WWOX: variants seen among roughly 807,000 people sequenced by gnomAD.
WWOX encodes WW domain-containing oxidoreductase.
In WWOX, 69 loss-of-function variants were observed where a neutral mutation model predicts 46.2. That is an observed-to-expected ratio of 1.49 (90% CI 1.23 to 1.82). The LOEUF is 1.82. Ranked by LOEUF, WWOX falls within the 40% of genes most tolerant of loss-of-function variation. The probability of loss-of-function intolerance (pLI) is 0.00; values close to 1 mark genes in which losing one functional copy is unlikely to be tolerated. For synonymous variants in WWOX, 359 were observed against 202.6 expected, an observed-to-expected ratio of 1.77 and a Z score of -6.56; for missense variants, 919 against 542.6, an observed-to-expected ratio of 1.69 and a Z score of -6.89.
At chr16:78,542,240 G>A (rs1163190000) in intron 8 of WWOX, among the ~76,000 whole-genome samples, 1 of 152,130 alleles carries the variant, frequency 6.6e-6, no homozygotes. Flanking sequence ...ATGAACCTAC[G>A]TAATGATCTC....
chr16:78,577,127 G>T (rs925908244), intron 8 of WWOX, among the ~76,000 whole-genome samples: 2 of 152,140 alleles, frequency 1.3e-5, no homozygotes, highest in Non-Finnish European at 2.9e-5. Flanking sequence ...TTAGTCACCA[G>T]TGTCTCATAG....
At chr16:78,894,377 A>AT (rs1567632078) in intron 8 of WWOX, among the ~76,000 whole-genome samples, 1 of 152,178 alleles carries the variant, frequency 6.6e-6, no homozygotes, top group Non-Finnish European at 1.5e-5. Flanking sequence ...CAAGTATAAT[A>AT]TTGAACTTCA....
At chr16:78,724,604 C>T (rs943459226) in intron 8 of WWOX, among the ~76,000 whole-genome samples, 5 of 152,134 alleles carry the variant, frequency 3.3e-5, no homozygotes, top group African/African-American at 1.2e-4. Context: ...TATGTGTAGT[C>T]CCCTAGTGAA....
intron 8 of WWOX, among the ~76,000 whole-genome samples, chr16:78,752,213 G>C (rs941092376): frequency 6.6e-6 from 1 of 152,194 alleles, no homozygotes. Context: ...TGAGTGACTT[G>C]AAATATTGGT....
chr16:79,073,904 C>G (rs374862528), intron 8 of WWOX, among the ~76,000 whole-genome samples: 1 of 152,032 alleles, frequency 6.6e-6, no homozygotes, highest in East Asian at 1.9e-4. Flanking sequence ...TTTTGTATGT[C>G]CTTTTTAATT....
intron 8 of WWOX, among the ~76,000 whole-genome samples, chr16:78,663,978 G>T (rs970550620): frequency 5.3e-5 from 8 of 152,192 alleles, no homozygotes; most frequent in Non-Finnish European, 8.8e-5. Flanking sequence ...ATGACGTCTG[G>T]ATTTTCCTTG....
At chr16:79,189,793 G>A (rs996717246) in intron 8 of WWOX, among the ~76,000 whole-genome samples, 2 of 151,638 alleles carry the variant, frequency 1.3e-5, no homozygotes, top group Non-Finnish European at 2.9e-5. Context: ...ACCTGCTCCC[G>A]GTGGGAGGGG....
intron 8 of WWOX, among the ~76,000 whole-genome samples, chr16:78,946,736 G>T (rs1465846170): frequency 1.3e-5 from 2 of 151,834 alleles, no homozygotes; most frequent in Non-Finnish European, 2.9e-5. Context: ...AGTCATGCGG[G>T]CCATATGGAT....
chr16:79,115,054 C>G (rs1003558752), intron 8 of WWOX, among the ~76,000 whole-genome samples: 30 of 152,208 alleles, frequency 2.0e-4, no homozygotes, highest in African/African-American at 5.8e-4. Flanking sequence ...CTCTGATGAC[C>G]TCTTGTGCCT....
intron 8 of WWOX, among the ~76,000 whole-genome samples, chr16:78,841,092 C>A (rs895861656): frequency 5.3e-5 from 8 of 152,108 alleles, no homozygotes; most frequent in Non-Finnish European, 1.0e-4. Context: ...CCCAGACATT[C>A]ATTTCGGTAA....
At chr16:78,928,327 C>T (rs1023494158) in intron 8 of WWOX, among the ~76,000 whole-genome samples, 1 of 151,354 alleles carries the variant, frequency 6.6e-6, no homozygotes, top group Non-Finnish European at 1.5e-5. Flanking sequence ...CTCAGCCTCC[C>T]GAGTAGCTGG....
chr16:78,448,570 C>G (rs74872698), intron 8 of WWOX, among the ~76,000 whole-genome samples: 3 of 152,080 alleles, frequency 2.0e-5, no homozygotes, highest in African/African-American at 7.2e-5. Flanking sequence ...AAAGTAGTGT[C>G]AAGCAGTACA....
In WWOX at chr16:79,212,134, A is replaced by AG; in HGVS notation, c.*340dup. On this transcript the variant is annotated 3_prime_UTR_variant, in exon 9 of 9. Coordinates refer to ENST00000566780, the MANE Select transcript of WWOX (RefSeq NM_016373.4). Reference sequence around the variant, plus strand: ...TCTTTTACTGTTATAGAATAGCCTGAGGTCCCCTCGTCCCATCCAGCTACC... The same window carrying AG: ...TCTTTTACTGTTATAGAATAGCCTGAGGGTCCCCTCGTCCCATCCAGCTACC... The AG allele has an allele frequency of 6.5e-7, 1 of 1,528,206 alleles. No individual in the cohort carries two copies. Among genetic ancestry groups the AG allele is most frequent in the Non-Finnish European group, 8.8e-7 (1 of 1,142,508 alleles). The allele number at this position is 1,528,206 out of a possible 1,614,324, so 94.7% of individuals were successfully genotyped here.
intron 8 of WWOX, among the ~76,000 whole-genome samples, chr16:78,651,359 A>G (rs778837043): frequency 2.0e-5 from 3 of 152,102 alleles, no homozygotes; most frequent in Non-Finnish European, 2.9e-5. Flanking sequence ...ATTGAATTAG[A>G]CTCTTAAATA....
chr16:79,048,549 G>T lies in WWOX; in HGVS notation c.1057-163059G>T, dbSNP rs1045049556. On this transcript the variant is annotated intron_variant, in intron 8 of 8. Coordinates refer to ENST00000566780, the MANE Select transcript of WWOX (RefSeq NM_016373.4). ...TATAAAAATTTGGTATCAATTGTTTGGCTAAATTATGCACAGTGGGCCATC... is the reference window on the plus strand; with the variant it reads ...TATAAAAATTTGGTATCAATTGTTTTGCTAAATTATGCACAGTGGGCCATC... Among the ~76,000 whole-genome samples, 5 of 151,974 alleles carry T rather than the reference G, an allele frequency of 3.3e-5. No homozygotes were observed. The South Asian group carries it at 8.3e-4, about 25-fold the overall frequency.
intron 8 of WWOX, among the ~76,000 whole-genome samples, chr16:79,022,703 G>A (rs1388660200): frequency 6.6e-6 from 1 of 152,162 alleles, no homozygotes; most frequent in African/African-American, 2.4e-5. Context: ...AGGGGCTGGA[G>A]CCCAAGAGGG....
At chr16:78,714,638 C>T (rs2048521263) in intron 8 of WWOX, among the ~76,000 whole-genome samples, 1 of 152,070 alleles carries the variant, frequency 6.6e-6, no homozygotes, top group South Asian at 2.1e-4. Flanking sequence ...AGCAGAGTGT[C>T]CCAGGCGGAG....
At chr16:79,037,448 G>A (rs958993510) in intron 8 of WWOX, among the ~76,000 whole-genome samples, 18 of 152,118 alleles carry the variant, frequency 1.2e-4, no homozygotes, top group African/African-American at 3.6e-4. Flanking sequence ...CTGGGGGTTC[G>A]TTACATCAAG....
At chr16:79,170,230 A>G (rs922706948) in intron 8 of WWOX, among the ~76,000 whole-genome samples, 12 of 152,196 alleles carry the variant, frequency 7.9e-5, no homozygotes, top group African/African-American at 2.7e-4. Context: ...TCTCCTTACA[A>G]ACATCATCTC....
Sources: allele counts gnomAD v4.1 joint callset (sites outside exome capture counted in the v4.1 genomes callset), GRCh38; gene constraint gnomAD v4.1.1; transcripts MANE v1.5; gene names NCBI Gene and HGNC (gene_info 2026-07-23, HGNC 2026-07-21).